DNAH1: variants seen among roughly 807,000 people sequenced by gnomAD.
The protein encoded by DNAH1 is axonemal beta dynein heavy chain 1.
DNAH1 carries 327 observed loss-of-function variants against 484.3 expected under a neutral mutation model. The observed-to-expected ratio is 0.68, with a 90% confidence interval of 0.62 to 0.74. DNAH1 has a LOEUF of 0.74. Ranked by LOEUF, DNAH1 falls within the 30% of genes least tolerant of loss-of-function variation. DNAH1 has a pLI of 0.00. For synonymous variants in DNAH1, 2,192 were observed against 2,191.9 expected (o/e 1.00, Z 0.00); for missense variants, 5,052 against 5,546.8 (o/e 0.91, Z 2.83).
rs772242832 is a variant in DNAH1 at position 52,332,164 on chromosome 3, T to G, written c.1056T>G (p.Cys352Trp). ...CAGGAAGGCCACCCCTTCAGGTCTG[T>G]CAGTACTGGGTGCCACGGATCCAGC... is the stretch of plus-strand genomic sequence containing the variant. ...TTEGRPPLQV[C>W]QYWVPRIQLL... is the part of the protein sequence containing the mutation. Residue 352 changes from cysteine to tryptophan, a missense_variant, in exon 8 of 78, where the codon TGT (cysteine) becomes TGG (tryptophan). Cys to Trp is a radical substitution (Grantham distance 215). This residue lies in a region of DNAH1 where 1,263 missense variants were observed against 1,218.8 expected (regional missense o/e 1.04). Transcript: ENST00000420323. 11 of 1,570,148 alleles carry G rather than the reference T, an allele frequency of 7.0e-6. No individual in the cohort carries two copies. Among genetic ancestry groups the G allele is most frequent in the Non-Finnish European group, 9.5e-6 (11 of 1,156,998 alleles).
intron 6 of DNAH1, among the ~76,000 whole-genome samples, chr3:52,328,976 G>A (rs1015627191): frequency 6.6e-6 from 1 of 152,244 alleles, no homozygotes; most frequent in African/African-American, 2.4e-5. Flanking sequence ...AGTCCATTGA[G>A]CAGGCTGTAA....
chr3:52,332,137 C>T lies in DNAH1; in HGVS notation c.1034-5C>T, dbSNP rs1205141841. The T allele has an allele frequency of 6.4e-7, 1 of 1,550,794 alleles. No individual in the cohort carries two copies. The highest frequency in any genetic ancestry group is 2.0e-5 in the Admixed American group (1 of 51,152). ...GTCCCCTTCTCCCTCTCACCCGGCC[C>T]CCAGGAAGGCCACCCCTTCAGGTCT... On this transcript the variant is annotated splice_polypyrimidine_tract_variant and splice_region_variant and intron_variant, in intron 7 of 77. Transcript: ENST00000420323.
In DNAH1 at chr3:52,381,488, G is replaced by T. The variant is rs569932352; in HGVS notation, c.7609-152G>T. On this transcript the variant is annotated intron_variant, in intron 48 of 77. Transcript: ENST00000420323. The surrounding 1 kb of genome is among the most constrained non-coding windows in gnomAD (Gnocchi z 4.1). The stretch of plus-strand genomic sequence containing the variant: ...GAATGTTCAGCTTGGGCTCGAGCCT[G>T]CAGGGGAAACATGCAGCTGGCCGGG... Among the ~76,000 whole-genome samples the T allele has an allele frequency of 2.6e-4, 39 of 152,188 alleles. No individual in the cohort carries two copies. Among genetic ancestry groups the T allele is most frequent in the Admixed American group, 4.6e-4 (7 of 15,276 alleles).
At chr3:52,331,035 G>A in intron 6 of DNAH1, 113 bp from the exon 7 acceptor site, 1 of 1,320,026 alleles carries the variant, frequency 7.6e-7, no homozygotes, top group Non-Finnish European at 1.0e-6. Context: ...CAGCGGGAGA[G>A]ACGCCAGACT....
chr3:52,311,401 C>T (rs1280853190), upstream of DNAH1, among the ~76,000 whole-genome samples: 1 of 152,084 alleles, frequency 6.6e-6, no homozygotes, highest in Non-Finnish European at 1.5e-5. Flanking sequence ...CAATGGCGCA[C>T]CCGGGGAGAG....
At chr3:52,344,232 G>A (rs1321312757) in intron 8 of DNAH1, among the ~76,000 whole-genome samples, 2 of 152,166 alleles carry the variant, frequency 1.3e-5, no homozygotes, top group African/African-American at 4.8e-5. Flanking sequence ...GCCTGCCTTG[G>A]CTCCCAGAGA....
intron 50 of DNAH1, among the ~76,000 whole-genome samples, chr3:52,382,991 C>T (rs1197583475): frequency 6.6e-6 from 1 of 152,246 alleles, no homozygotes; most frequent in Non-Finnish European, 1.5e-5. Context: ...CCCTTCAAGG[C>T]AGCCACTGTG....
chr3:52,321,825 C>T (rs1197811645), intron 1 of DNAH1: 1 of 152,460 alleles, frequency 6.6e-6, no homozygotes, highest in Non-Finnish European at 1.5e-5. Context: ...GCTGGGGAGA[C>T]CATTTAGTCC....
At chr3:52,378,225 C>T (rs932236905) in intron 46 of DNAH1, among the ~76,000 whole-genome samples, 1 of 151,866 alleles carries the variant, frequency 6.6e-6, no homozygotes, top group East Asian at 1.9e-4. Context: ...TTGAGGCCTA[C>T]GTGGATCATG....
chr3:52,316,692 T>G (rs1700962194), intron 1 of DNAH1, 147 bp downstream of exon 1: 1 of 152,232 alleles, frequency 6.6e-6, no homozygotes, highest in South Asian at 2.1e-4. Flanking sequence ...TCTCCATCTT[T>G]CCCACTCAAT....
Position 52,393,356 on chromosome 3 carries a change from C to T in DNAH1, c.10497C>T (p.Ser3499=). The T allele has an allele frequency of 6.2e-7, 1 of 1,613,992 alleles. No individual in the cohort carries two copies. The highest frequency in any genetic ancestry group is 8.5e-7 in the Non-Finnish European group (1 of 1,179,894). Residue 3499 remains serine (S), a synonymous_variant, in exon 66 of 78, where the codon TCC becomes TCT. Transcript: ENST00000420323. ...ERADNLKKRI[S]NINRYLTYSL... ...CAGACAACCTGAAGAAGCGCATCTCCAACATCAACCGCTACCTGACCTACA... is the reference window on the plus strand; with the variant it reads ...CAGACAACCTGAAGAAGCGCATCTCTAACATCAACCGCTACCTGACCTACA...
chr3:52,342,622 C>A (rs1351622261), intron 8 of DNAH1, among the ~76,000 whole-genome samples: 2 of 152,150 alleles, frequency 1.3e-5, no homozygotes, highest in African/African-American at 4.8e-5. Flanking sequence ...CAGGGGTCAC[C>A]CACCCTCAGG....
chr3:52,386,210 G>A lies in DNAH1; in HGVS notation c.8676G>A (p.Glu2892=). The A allele has an allele frequency of 6.2e-7, 1 of 1,613,906 alleles. No homozygotes were observed. The highest frequency in any genetic ancestry group is 1.1e-5 in the South Asian group (1 of 91,068). Reference sequence around the variant, plus strand: ...CCCGGAATTCAGTGCAGACAGAGGAGATCAAAGCCAATGAGAAGGCCAAGA... The same window carrying A: ...CCCGGAATTCAGTGCAGACAGAGGAAATCAAAGCCAATGAGAAGGCCAAGA... ...EETRNSVQTE[E]IKANEKAKKA... The change falls in exon 55 of 78, where the codon GAG becomes GAA. Residue 2892 remains glutamate (E), a synonymous_variant. Coordinates refer to ENST00000420323, the MANE Select transcript of DNAH1 (RefSeq NM_015512.5).
rs373138179 is a variant in DNAH1, at chr3:52,354,932, G to A, written c.3570G>A (p.Pro1190=). 17 of 1,613,874 alleles carry A rather than the reference G, an allele frequency of 1.1e-5. No homozygotes were observed. Among genetic ancestry groups the A allele is most frequent in the African/African-American group, 4.0e-5 (3 of 74,924 alleles). Residue 1190 remains proline (P), a synonymous_variant, in exon 21 of 78, where the codon CCG becomes CCA. Coordinates refer to ENST00000420323, the MANE Select transcript of DNAH1 (RefSeq NM_015512.5). Reference sequence around the variant, plus strand: ...CAGACACCTACATCCTGAAGAGCCCGGACGAGGCCTCACAGCTGCTGGACG... The same window carrying A: ...CAGACACCTACATCCTGAAGAGCCCAGACGAGGCCTCACAGCTGCTGGACG... The part of the protein sequence containing the change: ...KATDTYILKS[P]DEASQLLDDH...
At chr3:52,382,560 C>T in intron 50 of DNAH1, 105 bp downstream of exon 50, 1 of 1,526,052 alleles carries the variant, frequency 6.6e-7, no homozygotes, top group Non-Finnish European at 8.8e-7. Flanking sequence ...AGCTCACAGT[C>T]AGGGCAGATC....
intron 75 of DNAH1, among the ~76,000 whole-genome samples, chr3:52,398,420 T>C (rs1482718101): frequency 6.6e-6 from 1 of 152,204 alleles, no homozygotes; most frequent in Non-Finnish European, 1.5e-5. Flanking sequence ...TAGCTGGGAC[T>C]ATAGGCGCAC....
Position 52,364,522 on chromosome 3 carries a change from A to G in DNAH1, c.5245-116A>G. The G allele has an allele frequency of 8.6e-7, 1 of 1,165,982 alleles. No individual in the cohort carries two copies. The highest frequency in any genetic ancestry group is 1.3e-5 in the South Asian group (1 of 78,906). The allele number at this position is 1,165,982 out of a possible 1,614,324, so 72.2% of individuals were successfully genotyped here. A position where few individuals can be genotyped will look rare whatever the true frequency, so the allele number is the denominator to read the frequency against. The stretch of plus-strand genomic sequence containing the variant: ...GTGGTCCCAGCAGGTCTGCAAGGGA[A>G]GTGCTATGAGCTGGTGATGAGACTT... On this transcript the variant is annotated intron_variant, in intron 32 of 77. Coordinates refer to ENST00000420323, the MANE Select transcript of DNAH1 (RefSeq NM_015512.5). This position sits in a 1 kb window ranked among gnomAD's most constrained non-coding sequence, Gnocchi z 4.2.
upstream of DNAH1, among the ~76,000 whole-genome samples, chr3:52,315,111 G>A (rs186766094): frequency 3.3e-5 from 5 of 152,258 alleles, no homozygotes; most frequent in Admixed American, 6.5e-5. Context: ...GGCTTATGTC[G>A]GGGAGGCCTG....
At chr3:52,390,855 G>A (rs993892530) in intron 60 of DNAH1, 80 bp from the exon 61 acceptor site, 4 of 1,538,396 alleles carry the variant, frequency 2.6e-6, no homozygotes, top group Admixed American at 2.0e-5. Context: ...GCCGAAACAC[G>A]AGGCCGGGAG....
Sources: allele counts gnomAD v4.1 joint callset (sites outside exome capture counted in the v4.1 genomes callset), GRCh38; gene constraint gnomAD v4.1.1; regional missense constraint gnomAD v4.1.1; non-coding constraint Gnocchi (gnomAD v3.1); transcripts MANE v1.5; gene names NCBI Gene and HGNC (gene_info 2026-07-23, HGNC 2026-07-21).